QSOX1: variants seen among roughly 807,000 people sequenced by gnomAD.
QSOX1 encodes the protein sulfhydryl oxidase 1.
In QSOX1, 40 loss-of-function variants were observed where a neutral mutation model predicts 76.1. The observed-to-expected ratio is 0.53, with a 90% CI of 0.41 to 0.68. QSOX1 has a LOEUF of 0.68. Ranked by LOEUF, QSOX1 falls within the 30% of genes least tolerant of loss-of-function variation. QSOX1 has a pLI of 0.00. For synonymous variants in QSOX1, 392 were observed against 413.1 expected (o/e 0.95, Z 0.62); for missense variants, 931 against 974.3 (o/e 0.96, Z 0.59).
At chr1:180,181,775 T>C (rs186596758) in intron 5 of QSOX1, among the ~76,000 whole-genome samples, 2 of 152,208 alleles carry the variant, frequency 1.3e-5, no homozygotes, top group African/African-American at 4.8e-5. Flanking sequence ...AGAGCAGTCT[T>C]GGGGTGTGAA....
intron 11 of QSOX1, among the ~76,000 whole-genome samples, chr1:180,195,016 G>A (rs868070732): frequency 2.6e-5 from 4 of 151,938 alleles, no homozygotes; most frequent in African/African-American, 7.3e-5. Flanking sequence ...AGACCAGGGC[G>A]GAGCCGAGGT....
intron 10 of QSOX1, among the ~76,000 whole-genome samples, chr1:180,193,015 G>A (rs1027547524): frequency 6.6e-5 from 10 of 152,072 alleles, no homozygotes; most frequent in African/African-American, 2.4e-4. Context: ...CGCAAGATGA[G>A]GACATCTCTA....
intron 7 of QSOX1, among the ~76,000 whole-genome samples, 163 bp downstream of exon 7, chr1:180,184,213 G>C (rs888335271): frequency 3.3e-5 from 5 of 152,210 alleles, no homozygotes; most frequent in African/African-American, 9.6e-5. Context: ...GCCATGCTCA[G>C]GGACCTTCAA....
Position 180,155,153 on chromosome 1 carries a change from G to T in QSOX1, c.246G>T (p.Ala82=), listed in dbSNP as rs77647137. 4.1e-3 allele frequency: 6,175 copies of T among 1,517,832 alleles called. 36 individuals are homozygous for T. Among genetic ancestry groups the T allele is most frequent in the Non-Finnish European group, 4.5e-3 (5,129 of 1,137,172 alleles). The allele number at this position is 1,517,832 out of a possible 1,614,324, so 94.0% of individuals were successfully genotyped here. ...HCIAFAPTWK[A]LAEDVKAWRP... Reference sequence around the variant, plus strand: ...TCGCCTTCGCCCCGACGTGGAAGGCGCTGGCCGAAGACGTCAAAGGTGAGA... The same window carrying T: ...TCGCCTTCGCCCCGACGTGGAAGGCTCTGGCCGAAGACGTCAAAGGTGAGA... The change falls in exon 1 of 12, where the codon GCG becomes GCT. Residue 82 remains alanine (A), a synonymous_variant. Transcript: ENST00000367602.
chr1:180,165,021 T>C (rs1662581022), intron 1 of QSOX1, among the ~76,000 whole-genome samples: 1 of 152,160 alleles, frequency 6.6e-6, no homozygotes, highest in African/African-American at 2.4e-5. Flanking sequence ...TGCCGAGCTG[T>C]TCATGAGGGA....
chr1:180,175,262 C>T (rs990248468), intron 2 of QSOX1, 59 bp from the exon 3 acceptor site: 10 of 1,526,552 alleles, frequency 6.6e-6, no homozygotes, highest in Non-Finnish European at 9.1e-6. Flanking sequence ...AGCAGGCCTG[C>T]GTGGCTGCAC....
At chr1:180,183,814 T>A in intron 6 of QSOX1, 102 bp from the exon 7 acceptor site, 1 of 1,308,886 alleles carries the variant, frequency 7.6e-7, no homozygotes. Context: ...TAATAAACCT[T>A]CCTGTCCGAT....
intron 2 of QSOX1, among the ~76,000 whole-genome samples, chr1:180,168,687 C>T (rs1242221443): frequency 2.0e-5 from 3 of 151,558 alleles, no homozygotes; most frequent in Non-Finnish European, 4.4e-5. Context: ...TTTTTAAATC[C>T]GGCTGTGATT....
Position 180,197,705 on chromosome 1 carries a change from G to A in QSOX1, c.*668G>A, listed in dbSNP as rs1048480124. The A allele has an allele frequency of 1.8e-5, 6 of 324,968 alleles. No individual in the cohort carries two copies. The allele number at this position is 324,968 out of a possible 1,614,324, so 20.1% of individuals were successfully genotyped here. ...TGGCTTGCTTGGTGGGACCTGACGAGTTGGTGGCATGGGAAGGATGTGGGT... is the reference window on the plus strand; with the variant it reads ...TGGCTTGCTTGGTGGGACCTGACGAATTGGTGGCATGGGAAGGATGTGGGT... On this transcript the variant is annotated 3_prime_UTR_variant, in exon 12 of 12. Transcript: ENST00000367602.
Position 180,155,145 on chromosome 1 carries a change from T to C in QSOX1, c.238T>C (p.Trp80Arg). The stretch of plus-strand genomic sequence containing the variant: ...CCACTGCATCGCCTTCGCCCCGACG[T>C]GGAAGGCGCTGGCCGAAGACGTCAA... ...CGHCIAFAPT[W>R]KALAEDVKAW... Residue 80 changes from tryptophan (W) to arginine (R), a missense_variant, in exon 1 of 12, where the codon TGG becomes CGG. Trp to Arg is a moderately radical substitution (Grantham distance 101, BLOSUM62 -3). Transcript: ENST00000367602. 1 of 1,520,314 alleles carries C rather than the reference T, an allele frequency of 6.6e-7. No homozygotes were observed. The allele number at this position is 1,520,314 out of a possible 1,614,324, so 94.2% of individuals were successfully genotyped here. A position where few individuals can be genotyped will look rare whatever the true frequency, so the allele number is the denominator to read the frequency against.
At chr1:180,194,998 G>GGGC (rs1553275518) in intron 11 of QSOX1, among the ~76,000 whole-genome samples, 2 of 147,128 alleles carry the variant, frequency 1.4e-5, no homozygotes, top group African/African-American at 2.5e-5. Context: ...CAGCCTCCCG[G>GGGC]GGGGGGGAGA....
chr1:180,164,106 C>G (rs1558183807), intron 1 of QSOX1, among the ~76,000 whole-genome samples: 1 of 152,166 alleles, frequency 6.6e-6, no homozygotes, highest in Non-Finnish European at 1.5e-5. Context: ...CAGCAATCCC[C>G]TGGTAGGGGC....
intron 1 of QSOX1, among the ~76,000 whole-genome samples, chr1:180,155,507 C>T (rs1662357117): frequency 6.6e-6 from 1 of 152,192 alleles, no homozygotes; most frequent in African/African-American, 2.4e-5. Context: ...TCCGCATGGT[C>T]CGCTGACACC....
In QSOX1 at chr1:180,176,006, C is replaced by T; in HGVS notation, c.488C>T (p.Pro163Leu). 6.2e-7 allele frequency: 1 copy of T among 1,600,004 alleles called. No homozygotes were observed. The change falls in exon 4 of 12, where the codon CCA becomes CTA. Residue 163 changes from proline to leucine, a missense_variant. Pro to Leu is a moderately conservative substitution (Grantham distance 98). Transcript: ENST00000367602. Reference protein sequence around the residue: ...ALESHHDTWPPACPPLEPAKL... With the variant: ...ALESHHDTWPLACPPLEPAKL... ...GAGTCCCATCATGACACGTGGCCCC[C>T]AGCCTGTCCCCCACTGGAGCCTGCC...
At chr1:180,163,144 A>C (rs74658767) in intron 1 of QSOX1, among the ~76,000 whole-genome samples, 2,363 of 152,032 alleles carry the variant, frequency 0.016, 76 homozygotes, top group African/African-American at 0.053. Flanking sequence ...AAAAAAAAAA[A>C]AACACAAAAA....
chr1:180,184,741 G>C (rs1330803278), intron 7 of QSOX1, among the ~76,000 whole-genome samples: 2 of 152,232 alleles, frequency 1.3e-5, no homozygotes, highest in Non-Finnish European at 2.9e-5. Context: ...GAGCTGGCCA[G>C]GACGGTGCCC....
At chr1:180,186,566 C>T (rs998923335) in intron 8 of QSOX1, among the ~76,000 whole-genome samples, 2 of 152,204 alleles carry the variant, frequency 1.3e-5, no homozygotes, top group African/African-American at 2.4e-5. Context: ...GACACCCTGG[C>T]GAAGGAGAGG....
At position 180,194,239 on chromosome 1, in the gene QSOX1, A is replaced by T; in HGVS notation, c.1315A>T (p.Ile439Phe). The T allele has an allele frequency of 6.2e-7, 1 of 1,613,072 alleles. No homozygotes were observed. Among genetic ancestry groups the T allele is most frequent in the African/African-American group, 1.3e-5 (1 of 75,020 alleles). Reference protein sequence around the residue: ...AAKAKEVLPAIRGYVHYFFGC... With the variant: ...AAKAKEVLPAFRGYVHYFFGC... Reference sequence around the variant, plus strand: ...CAAGGCCAAGGAGGTCCTCCCAGCCATCCGAGGCTACGTGCACTACTTCTT... The same window carrying T: ...CAAGGCCAAGGAGGTCCTCCCAGCCTTCCGAGGCTACGTGCACTACTTCTT... The change falls in exon 11 of 12, where the codon ATC becomes TTC. Residue 439 changes from isoleucine (I) to phenylalanine (F), a missense_variant. Ile to Phe is a conservative substitution (Grantham distance 21, BLOSUM62 0). Transcript: ENST00000367602.
At position 180,197,496 on chromosome 1, in the gene QSOX1, G is replaced by A. The variant is rs4652482; in HGVS notation, c.*459G>A. The A allele has an allele frequency of 5.7e-3, 6,881 of 1,211,996 alleles. 25 individuals carry two copies. Among genetic ancestry groups the A allele is most frequent in the Middle Eastern group, 0.018 (91 of 5,112 alleles). 75.1% of individuals were successfully genotyped at this position (1,211,996 alleles called of 1,614,324 possible). A position where few individuals can be genotyped will look rare whatever the true frequency, so the allele number is the denominator to read the frequency against. On this transcript the variant is annotated 3_prime_UTR_variant, in exon 12 of 12. Transcript: ENST00000367602. The stretch of plus-strand genomic sequence containing the variant: ...GGCTCCGCCCACCCTGCTCCCTTCC[G>A]GACAATGAAGAAGCCTTTGCACCCT...
Sources: gnomAD v4.1 joint callset for allele counts (sites outside exome capture counted in the v4.1 genomes callset) on GRCh38, gnomAD v4.1.1 for gene constraint, MANE v1.5 for transcripts, NCBI Gene and HGNC (gene_info 2026-07-23, HGNC 2026-07-21) for gene names.